Variants in NPTXR observed in about 807,000 individuals in gnomAD.
The protein encoded by NPTXR is neuronal pentraxin receptor.
Under a neutral mutation model 32.2 loss-of-function variants are expected in NPTXR, and 12 were observed. That is an observed-to-expected ratio of 0.37 (90% confidence interval 0.24 to 0.60). NPTXR has a LOEUF of 0.60. Ranked by LOEUF, NPTXR falls within the 20% of genes least tolerant of loss-of-function variation. The pLI is 0.66. For synonymous variants in NPTXR, 323 were observed against 315.8 expected (o/e 1.02, Z -0.24); for missense variants, 612 against 682.9 (o/e 0.90, Z 1.16).
At chr22:38,825,232 G>T (rs1485775975) in intron 3 of NPTXR, among the ~76,000 whole-genome samples, 1 of 152,178 alleles carries the variant, frequency 6.6e-6, no homozygotes, top group Non-Finnish European at 1.5e-5. Flanking sequence ...TGAGGAAGAT[G>T]GGTGGCCCAA....
In NPTXR at chr22:38,819,324, T is replaced by A. The variant is rs879489678; in HGVS notation, c.*3285A>T. The A allele has an allele frequency of 6.6e-6, 1 of 152,296 alleles. No individual in the cohort carries two copies. The highest frequency in any genetic ancestry group is 6.5e-5 in the Admixed American group (1 of 15,294). The allele number at this position is 152,296 out of a possible 1,614,324, so 9.4% of individuals were successfully genotyped here. ...AAAGAAGGGCTGAAGCTCTGGCCCA[T>A]GGTGGGAGGGACACATTCCCTGAAG... is the stretch of plus-strand genomic sequence containing the variant. On this transcript the variant is annotated 3_prime_UTR_variant, in exon 5 of 5. Transcript: ENST00000333039.
chr22:38,837,214 T>C (rs569407461), intron 1 of NPTXR, among the ~76,000 whole-genome samples: 10 of 152,286 alleles, frequency 6.6e-5, no homozygotes, highest in African/African-American at 2.2e-4. Context: ...AGAGCTGGAA[T>C]TTGCACCCAG....
At chr22:38,835,222 C>T (rs991880897) in intron 1 of NPTXR, among the ~76,000 whole-genome samples, 4 of 152,172 alleles carry the variant, frequency 2.6e-5, no homozygotes, top group Admixed American at 1.3e-4. Context: ...GGCGGTGCTC[C>T]CAGCTGGCGG....
intron 1 of NPTXR, among the ~76,000 whole-genome samples, chr22:38,840,719 G>C (rs147250957): frequency 6.3e-4 from 96 of 152,300 alleles, no homozygotes; most frequent in African/African-American, 2.3e-3. Context: ...TGGACACTGA[G>C]TTTGGTTTGG....
At position 38,819,431 on chromosome 22, in the gene NPTXR, C is replaced by G. The variant is rs1901044753; in HGVS notation, c.*3178G>C. On this transcript the variant is annotated 3_prime_UTR_variant, in exon 5 of 5. Transcript: ENST00000333039. ...ACCCCCTGCCTCTGTTCCTTCACTT[C>G]AAGCCCTGTGGGCTGGGAAAGGGGT... The G allele has an allele frequency of 6.6e-6, 1 of 152,480 alleles. No individual in the cohort carries two copies. The highest frequency in any genetic ancestry group is 6.5e-5 in the Admixed American group (1 of 15,292). 9.4% of individuals were successfully genotyped at this position (152,480 alleles called of 1,614,324 possible). A position where few individuals can be genotyped will look rare whatever the true frequency, so the allele number is the denominator to read the frequency against.
intron 3 of NPTXR, among the ~76,000 whole-genome samples, chr22:38,826,085 C>T (rs1440996593): frequency 3.3e-5 from 5 of 152,150 alleles, no homozygotes; most frequent in Non-Finnish European, 7.4e-5. Flanking sequence ...CCTCGTGATC[C>T]GCCCGCCTCG....
rs768867259 is a variant in NPTXR, at chr22:38,822,845, C to T, written c.1279-12G>A. On this transcript the variant is annotated splice_polypyrimidine_tract_variant and intron_variant, in intron 4 of 4. Coordinates refer to ENST00000333039, the MANE Select transcript of NPTXR (RefSeq NM_014293.4). Reference sequence around the variant, plus strand: ...CCACCCAGGGTATCCTGGGCCAAGACAGCAGCAGAGAAAGGAGAGGCATGG... The same window carrying T: ...CCACCCAGGGTATCCTGGGCCAAGATAGCAGCAGAGAAAGGAGAGGCATGG... 3 of 1,610,700 alleles carry T rather than the reference C, an allele frequency of 1.9e-6. No individual in the cohort carries two copies. Among genetic ancestry groups the T allele is most frequent in the Middle Eastern group, 1.7e-4 (1 of 6,056 alleles).
Position 38,819,129 on chromosome 22 carries a change from C to A in NPTXR, c.*3480G>T, listed in dbSNP as rs755257120. The stretch of plus-strand genomic sequence containing the variant: ...GGGATGTTGGTGGGGGCACCACATG[C>A]CACAAGATGGGAAGATCTGGCAGAT... On this transcript the variant is annotated 3_prime_UTR_variant, in exon 5 of 5. Coordinates refer to ENST00000333039, the MANE Select transcript of NPTXR (RefSeq NM_014293.4). 6.6e-6 allele frequency: 1 copy of A among 152,254 alleles called. No individual in the cohort carries two copies. Among genetic ancestry groups the A allele is most frequent in the Non-Finnish European group, 1.5e-5 (1 of 68,078 alleles). 9.4% of individuals were successfully genotyped at this position (152,254 alleles called of 1,614,324 possible).
chr22:38,840,885 C>T (rs867560331), intron 1 of NPTXR, among the ~76,000 whole-genome samples: 44 of 152,178 alleles, frequency 2.9e-4, no homozygotes, highest in African/African-American at 9.9e-4. Context: ...CTGTGAGAGG[C>T]GGCTGGAAGC....
chr22:38,824,100 C>T (rs1370181991), intron 3 of NPTXR, among the ~76,000 whole-genome samples: 1 of 151,976 alleles, frequency 6.6e-6, no homozygotes, highest in Non-Finnish European at 1.5e-5. Context: ...CCTCAGCCTC[C>T]CAAGTAGCTG....
intron 1 of NPTXR, 76 bp from the exon 2 acceptor site, chr22:38,828,588 C>A: frequency 8.1e-7 from 1 of 1,241,934 alleles, no homozygotes; most frequent in Non-Finnish European, 1.1e-6. Context: ...TGCCTACCGC[C>A]CCTGCTCAGT....
In NPTXR at chr22:38,828,354, G is replaced by T. The variant is rs138281398; in HGVS notation, c.783C>A (p.Arg261=). The T allele has an allele frequency of 3.0e-5, 49 of 1,612,974 alleles. No homozygotes were observed. The highest frequency in any genetic ancestry group is 3.9e-5 in the Non-Finnish European group (46 of 1,180,002). Reference sequence around the variant, plus strand: ...CCTTTTCCACTTCCTGCCTCTGCCGGCGGCTGCTGTGGCTGAGGGCCACAC... The same window carrying T: ...CCTTTTCCACTTCCTGCCTCTGCCGTCGGCTGCTGTGGCTGAGGGCCACAC... Residue 261 remains arginine, a synonymous_variant, in exon 2 of 5, where the codon CGC becomes CGA. Coordinates refer to ENST00000333039, the MANE Select transcript of NPTXR (RefSeq NM_014293.4).
chr22:38,843,168 G>C lies in NPTXR; in HGVS notation c.624+67C>G. The C allele has an allele frequency of 6.4e-6, 8 of 1,250,020 alleles. No homozygotes were observed. Among genetic ancestry groups the C allele is most frequent in the Non-Finnish European group, 8.0e-6 (8 of 995,414 alleles). 77.4% of individuals were successfully genotyped at this position (1,250,020 alleles called of 1,614,324 possible). On this transcript the variant is annotated intron_variant, in intron 1 of 4. Coordinates refer to ENST00000333039, the MANE Select transcript of NPTXR (RefSeq NM_014293.4). The surrounding 1 kb of genome is among the most constrained non-coding windows in gnomAD (Gnocchi z 5.3). ...GGAGACCGGAGGCTCGGGGACCGCCGGACGACCGCGGCCGGGCGGCCCCTC... is the reference window on the plus strand; with the variant it reads ...GGAGACCGGAGGCTCGGGGACCGCCCGACGACCGCGGCCGGGCGGCCCCTC...
intron 1 of NPTXR, among the ~76,000 whole-genome samples, chr22:38,840,465 A>T (rs923718094): frequency 6.6e-6 from 1 of 151,766 alleles, no homozygotes; most frequent in African/African-American, 2.4e-5. Flanking sequence ...CTGGAGGAGG[A>T]TGGAGGGAAG....
intron 1 of NPTXR, among the ~76,000 whole-genome samples, chr22:38,841,385 C>T (rs1466725080): frequency 6.6e-6 from 1 of 152,274 alleles, no homozygotes; most frequent in East Asian, 1.9e-4. Context: ...TCCCCCCAAC[C>T]TCAGCGGGCT....
chr22:38,828,010 G>A (rs1165901206), intron 2 of NPTXR, among the ~76,000 whole-genome samples: 1 of 152,108 alleles, frequency 6.6e-6, no homozygotes, highest in South Asian at 2.1e-4. Context: ...TCTGAGCTTC[G>A]GTCTTCTCAT....
intron 1 of NPTXR, among the ~76,000 whole-genome samples, chr22:38,837,912 G>A (rs985483708): frequency 6.1e-5 from 8 of 130,826 alleles, no homozygotes; most frequent in Non-Finnish European, 1.4e-4. Flanking sequence ...CTGGAGTGCA[G>A]TGGCATAATC....
In NPTXR at chr22:38,820,083, A is replaced by G. The variant is rs1014911961; in HGVS notation, c.*2526T>C. ...AAGAGCTACCTTCTTCAAAACAATA[A>G]CAGAAACACATCAAGCTTGGCGTCA... is the stretch of plus-strand genomic sequence containing the variant. On this transcript the variant is annotated 3_prime_UTR_variant, in exon 5 of 5. Transcript: ENST00000333039. 1.3e-5 allele frequency: 2 copies of G among 152,522 alleles called. No homozygotes were observed. Among genetic ancestry groups the G allele is most frequent in the Non-Finnish European group, 2.9e-5 (2 of 68,022 alleles). The allele number at this position is 152,522 out of a possible 1,614,324, so 9.4% of individuals were successfully genotyped here.
intron 1 of NPTXR, among the ~76,000 whole-genome samples, chr22:38,828,964 C>T (rs539944217): frequency 6.6e-6 from 1 of 152,368 alleles, no homozygotes; most frequent in East Asian, 1.9e-4. Flanking sequence ...TGGCAAAAGG[C>T]TCTGTATGGC....
Sources: allele counts gnomAD v4.1 joint callset (sites outside exome capture counted in the v4.1 genomes callset), GRCh38; gene constraint gnomAD v4.1.1; non-coding constraint Gnocchi (gnomAD v3.1); transcripts MANE v1.5; gene names NCBI Gene and HGNC (gene_info 2026-07-23, HGNC 2026-07-21).